Variants in GJA1 observed in about 807,000 individuals in gnomAD.
GJA1 encodes the protein gap junction alpha-1 protein.
In GJA1, 9 loss-of-function variants were observed where a neutral mutation model predicts 31.0. The observed-to-expected ratio is 0.29, with a 90% CI of 0.17 to 0.51. The LOEUF (loss-of-function observed/expected upper bound fraction) is 0.51, where lower values mean the gene tolerates loss of function less well. GJA1 is among the 20% of genes least tolerant of loss of function. The pLI is 0.98. For missense variants in GJA1, 278 were observed against 468.8 expected (o/e 0.59, Z 3.76); for synonymous variants, 186 against 180.1 (o/e 1.03, Z -0.26).
chr6:121,443,493 AAAG>A (rs1477526596), intron 1 of GJA1, among the ~76,000 whole-genome samples: 23 of 152,338 alleles, frequency 1.5e-4, no homozygotes, highest in African/African-American at 5.5e-4. Context: ...GAGTATTAAA[AAAG>A]AACTAATGAA....
rs1773908933 is a variant in GJA1 at position 121,447,543 on chromosome 6, C to T, written c.696C>T (p.Phe232=). ...ALNIIELFYV[F]FKGVKDRVKG... ...ATATCATTGAACTCTTCTATGTTTT[C>T]TTCAAGGGCGTTAAGGATCGGGTTA... The change falls in exon 2 of 2, where the codon TTC becomes TTT. Residue 232 remains phenylalanine, a synonymous_variant. Coordinates refer to ENST00000282561, the MANE Select transcript of GJA1 (RefSeq NM_000165.5). The T allele has an allele frequency of 1.2e-6, 2 of 1,613,936 alleles. No homozygotes were observed. Among genetic ancestry groups the T allele is most frequent in the South Asian group, 2.2e-5 (2 of 91,082 alleles).
chr6:121,440,921 GT>G (rs1284347713), intron 1 of GJA1, among the ~76,000 whole-genome samples: 20 of 128,694 alleles, frequency 1.6e-4, no homozygotes, highest in Admixed American at 2.3e-4. Flanking sequence ...TTTTGTTGTT[GT>G]TGTTGTTGTT....
chr6:121,438,636 G>T (rs1773710792), intron 1 of GJA1, among the ~76,000 whole-genome samples: 1 of 152,138 alleles, frequency 6.6e-6, no homozygotes, highest in African/African-American at 2.4e-5. Flanking sequence ...CTTATCTTCA[G>T]GATTCTCAGT....
Position 121,447,956 on chromosome 6 carries a change from G to T in GJA1, c.1109G>T (p.Arg370Leu), listed in dbSNP as rs772176824. The change falls in exon 2 of 2, where the codon CGT becomes CTT. Residue 370 changes from arginine to leucine, a missense_variant. Around this residue, in one of 3 missense-constraint regions of GJA1, gnomAD observed 172 missense variants for 190.9 expected, o/e 0.90. Transcript: ENST00000282561. ...CGACCTTCAAGCAGAGCCAGCAGTC[G>T]TGCCAGCAGCAGACCTCGGCCTGAT... Reference protein sequence around the residue: ...DQRPSSRASSRASSRPRPDDL... With the variant: ...DQRPSSRASSLASSRPRPDDL... 3 of 1,613,714 alleles carry T rather than the reference G, an allele frequency of 1.9e-6. No homozygotes were observed. Among genetic ancestry groups the T allele is most frequent in the East Asian group, 2.2e-5 (1 of 44,862 alleles).
rs1031710114 is a variant in GJA1 at position 121,435,657 on chromosome 6, C to G, written c.-192C>G. ...GCTCCAAGTTACAAAAAAGCTTTTACGAGGTATCAGCACTTTTCTTTCATT... is the reference window on the plus strand; with the variant it reads ...GCTCCAAGTTACAAAAAAGCTTTTAGGAGGTATCAGCACTTTTCTTTCATT... On this transcript the variant is annotated 5_prime_UTR_variant, in exon 1 of 2. Coordinates refer to ENST00000282561, the MANE Select transcript of GJA1 (RefSeq NM_000165.5). The G allele has an allele frequency of 1.3e-5, 2 of 152,120 alleles. No homozygotes were observed. Among genetic ancestry groups the G allele is most frequent in the Admixed American group, 6.6e-5 (1 of 15,266 alleles). The allele number at this position is 152,120 out of a possible 1,614,324, so 9.4% of individuals were successfully genotyped here.
At chr6:121,440,631 CAG>C (rs1773756722) in intron 1 of GJA1, among the ~76,000 whole-genome samples, 1 of 146,136 alleles carries the variant, frequency 6.8e-6, no homozygotes, top group Non-Finnish European at 1.5e-5. Context: ...CCCAAAGAGA[CAG>C]AAAAAAACAA....
chr6:121,439,980 T>G (rs1330741682), intron 1 of GJA1, among the ~76,000 whole-genome samples: 1 of 152,224 alleles, frequency 6.6e-6, no homozygotes, highest in African/African-American at 2.4e-5. Flanking sequence ...AGTGCCTGCA[T>G]AGACTCAGAC....
intron 1 of GJA1, among the ~76,000 whole-genome samples, chr6:121,441,779 C>A (rs1773796338): frequency 1.3e-5 from 2 of 152,032 alleles, no homozygotes; most frequent in Non-Finnish European, 2.9e-5. Context: ...GTAGGGTGAC[C>A]AGGCTAATGA....
At chr6:121,438,102 G>A (rs1023804701) in intron 1 of GJA1, among the ~76,000 whole-genome samples, 4 of 152,126 alleles carry the variant, frequency 2.6e-5, no homozygotes, top group Non-Finnish European at 4.4e-5. Context: ...CCAAGCAAAG[G>A]CAGTACATTC....
chr6:121,441,849 C>T (rs1466029758), intron 1 of GJA1, among the ~76,000 whole-genome samples: 4 of 151,936 alleles, frequency 2.6e-5, no homozygotes, highest in African/African-American at 9.7e-5. Context: ...GTTTTAAGTG[C>T]GGAGGAATAG....
intron 1 of GJA1, among the ~76,000 whole-genome samples, chr6:121,446,392 T>C (rs939817372): frequency 6.6e-6 from 1 of 152,232 alleles, no homozygotes; most frequent in African/African-American, 2.4e-5. Flanking sequence ...TTATAGGTAT[T>C]CTTACCTGGA....
chr6:121,440,487 C>G (rs1773752056), intron 1 of GJA1, among the ~76,000 whole-genome samples: 1 of 152,068 alleles, frequency 6.6e-6, no homozygotes, highest in Non-Finnish European at 1.5e-5. Flanking sequence ...AAACAGTTCT[C>G]TGTTTCAGCA....
At chr6:121,441,197 C>T (rs1773774510) in intron 1 of GJA1, among the ~76,000 whole-genome samples, 1 of 152,118 alleles carries the variant, frequency 6.6e-6, no homozygotes, top group Non-Finnish European at 1.5e-5. Context: ...CGTGATCCGC[C>T]CGCCTCGGCC....
Position 121,448,063 on chromosome 6 carries a change from C to G in GJA1, c.*67C>G. 7.2e-7 allele frequency: 1 copy of G among 1,393,904 alleles called. No homozygotes were observed. Among genetic ancestry groups the G allele is most frequent in the Non-Finnish European group, 1.0e-6 (1 of 980,610 alleles). 86.3% of individuals were successfully genotyped at this position (1,393,904 alleles called of 1,614,324 possible). ...AAGAAAAAAGGTGCTGTAGAAAGTG[C>G]ACCAGGTGTTAATTTTGATCCGGTG... On this transcript the variant is annotated 3_prime_UTR_variant, in exon 2 of 2. Coordinates refer to ENST00000282561, the MANE Select transcript of GJA1 (RefSeq NM_000165.5).
chr6:121,440,311 C>A (rs1773748452), intron 1 of GJA1, among the ~76,000 whole-genome samples: 1 of 152,112 alleles, frequency 6.6e-6, no homozygotes, highest in South Asian at 2.1e-4. Flanking sequence ...AATCCTAACC[C>A]TCATTAGGAT....
chr6:121,439,265 C>T (rs193044433), intron 1 of GJA1, among the ~76,000 whole-genome samples: 1 of 152,252 alleles, frequency 6.6e-6, no homozygotes, highest in African/African-American at 2.4e-5. Context: ...AAGAACCAAA[C>T]TTTACTGAGC....
At chr6:121,441,442 A>G (rs1321581967) in intron 1 of GJA1, among the ~76,000 whole-genome samples, 1 of 152,184 alleles carries the variant, frequency 6.6e-6, no homozygotes, top group Admixed American at 6.5e-5. Flanking sequence ...CGTATTGTTC[A>G]CATTCCAGTT....
chr6:121,446,156 G>A (rs551996697), intron 1 of GJA1, among the ~76,000 whole-genome samples: 17 of 152,160 alleles, frequency 1.1e-4, no homozygotes, highest in African/African-American at 3.4e-4. Flanking sequence ...TTAGCCAGGC[G>A]TGATGGCACA....
intron 1 of GJA1, among the ~76,000 whole-genome samples, chr6:121,445,611 G>A (rs1773874278): frequency 6.6e-6 from 1 of 152,192 alleles, no homozygotes; most frequent in Non-Finnish European, 1.5e-5. Context: ...TTTCTGGCTG[G>A]AGAAAACACC....
Sources: gnomAD v4.1 joint callset for allele counts (sites outside exome capture counted in the v4.1 genomes callset) on GRCh38, gnomAD v4.1.1 for gene constraint, gnomAD v4.1.1 regional missense constraint, MANE v1.5 for transcripts, NCBI Gene and HGNC (gene_info 2026-07-23, HGNC 2026-07-21) for gene names.